The following NEDD4L variants were observed in gnomAD, a reference collection of about 807,000 sequenced individuals.
NEDD4L encodes the protein E3 ubiquitin-protein ligase NEDD4-like.
Under a neutral mutation model 148.9 loss-of-function variants are expected in NEDD4L, and 54 were observed. That is an observed-to-expected ratio of 0.36 (90% CI 0.29 to 0.45). The LOEUF (loss-of-function observed/expected upper bound fraction) is 0.45. Ranked by LOEUF, NEDD4L falls within the 20% of genes least tolerant of loss-of-function variation. The probability of loss-of-function intolerance (pLI) is 1.00; values close to 1 mark genes in which losing one functional copy is unlikely to be tolerated. For missense variants in NEDD4L, 856 were observed against 1,233.8 expected (o/e 0.69, Z 4.59); for synonymous variants, 433 against 440.7 (o/e 0.98, Z 0.22).
intron 1 of NEDD4L, among the ~76,000 whole-genome samples, chr18:58,094,618 C>G (rs2084272563): frequency 6.6e-6 from 1 of 152,196 alleles, no homozygotes; most frequent in African/African-American, 2.4e-5. Context: ...CCATGCTCAG[C>G]CCCGTGGACT....
At chr18:58,335,734 G>T in intron 13 of NEDD4L, 197 bp downstream of exon 13, 2 of 495,340 alleles carry the variant, frequency 4.0e-6, no homozygotes, top group South Asian at 2.9e-5. Context: ...GATTTTTTTA[G>T]TCCCACATAA....
Position 58,161,786 on chromosome 18 carries a change from C to G in NEDD4L, c.49-4002C>G, listed in dbSNP as rs193076575. ...CCTTCTTTATCTCCAGGATCTTCCC[C>G]ATTTCACGGAGAGACATGGATGAGA... is the stretch of plus-strand genomic sequence containing the variant. On this transcript the variant is annotated intron_variant, in intron 1 of 30. Coordinates refer to ENST00000400345, the MANE Select transcript of NEDD4L (RefSeq NM_001144967.3). 2.8e-3 allele frequency among the ~76,000 whole-genome samples: 422 copies of G among 152,178 alleles called. 9 individuals carry two copies. The highest frequency in any genetic ancestry group is 0.024 in the Admixed American group (363 of 15,282).
In NEDD4L at chr18:58,047,706, A is replaced by G. The variant is rs753110951; in HGVS notation, c.48+2998A>G. Among the ~76,000 whole-genome samples, 7 of 152,344 alleles carry G rather than the reference A, an allele frequency of 4.6e-5. No homozygotes were observed. In the East Asian group the frequency reaches 7.7e-4, roughly 17 times the overall value. On this transcript the variant is annotated intron_variant, in intron 1 of 30. Transcript: ENST00000400345. ...TGTTAGAGGGATTAGCAGTTTAACA[A>G]AACTTCTGATTCATGGCCCAAGATC...
intron 5 of NEDD4L, among the ~76,000 whole-genome samples, chr18:58,252,348 G>A (rs2048035052): frequency 6.6e-6 from 1 of 152,192 alleles, no homozygotes; most frequent in South Asian, 2.1e-4. Context: ...TGGGAATACA[G>A]AACGGTAGGC....
chr18:58,347,561 T>G (rs1291934815), intron 16 of NEDD4L, among the ~76,000 whole-genome samples: 2 of 152,214 alleles, frequency 1.3e-5, no homozygotes. Flanking sequence ...TTCTCAATCC[T>G]AAATCAGCTT....
At chr18:58,254,867 A>G (rs2048328052) in intron 5 of NEDD4L, among the ~76,000 whole-genome samples, 1 of 152,204 alleles carries the variant, frequency 6.6e-6, no homozygotes, top group African/African-American at 2.4e-5. Context: ...TGTTACTTGT[A>G]GATCCTGCTC....
chr18:58,329,126 A>C lies in NEDD4L; in HGVS notation c.812A>C (p.Glu271Ala), dbSNP rs1404724194. ...PEPSEGGDVP[E>A]PWETISEEVN... ...CCCTCGGAGGGCGGGGATGTCCCCGAGGTACGATGTCCCCAGAATGGTGCA... is the reference window on the plus strand; with the variant it reads ...CCCTCGGAGGGCGGGGATGTCCCCGCGGTACGATGTCCCCAGAATGGTGCA... The change falls in exon 10 of 31, where the codon GAG becomes GCG. Residue 271 changes from glutamate (E) to alanine (A), a missense_variant and splice_region_variant. Coordinates refer to ENST00000400345, the MANE Select transcript of NEDD4L (RefSeq NM_001144967.3). 3.1e-6 allele frequency: 5 copies of C among 1,613,736 alleles called. No homozygotes were observed. Among genetic ancestry groups the C allele is most frequent in the Non-Finnish European group, 4.2e-6 (5 of 1,179,806 alleles).
At chr18:58,144,377 A>G (rs1025773843) in intron 1 of NEDD4L, among the ~76,000 whole-genome samples, 1 of 152,008 alleles carries the variant, frequency 6.6e-6, no homozygotes, top group Non-Finnish European at 1.5e-5. Context: ...TGGGTCACAC[A>G]CTTTTAAACA....
In NEDD4L at chr18:58,396,349, A is replaced by T; in HGVS notation, c.*80A>T. 1 of 928,614 alleles carries T rather than the reference A, an allele frequency of 1.1e-6. No homozygotes were observed. The highest frequency in any genetic ancestry group is 1.7e-6 in the Non-Finnish European group (1 of 583,852). The allele number at this position is 928,614 out of a possible 1,614,324, so 57.5% of individuals were successfully genotyped here. On this transcript the variant is annotated 3_prime_UTR_variant, in exon 31 of 31. Transcript: ENST00000400345. ...GCATTTGCCTAACAGACTTTTGCAG[A>T]GGCGATGGCAGAGAGCAGCTGCAGG... is the stretch of plus-strand genomic sequence containing the variant.
At chr18:58,394,979 G>A (rs2147094169) in intron 30 of NEDD4L, among the ~76,000 whole-genome samples, 1 of 152,330 alleles carries the variant, frequency 6.6e-6, no homozygotes, top group South Asian at 2.1e-4. Flanking sequence ...GGGCTTTGGA[G>A]CACCCCAGGG....
chr18:58,325,076 G>T lies in NEDD4L; in HGVS notation c.594G>T (p.Gly198=), dbSNP rs778209121. 6.2e-7 allele frequency: 1 copy of T among 1,614,024 alleles called. No homozygotes were observed. Among genetic ancestry groups the T allele is most frequent in the Non-Finnish European group, 8.5e-7 (1 of 1,179,894 alleles). ...TTCCTCCTCCTCCTCTGCCTCCCGG[G>T]TGGGAAGAAAAAGTGGACAATTTAG... ...EELPPPPLPP[G]WEEKVDNLGR... is the part of the protein sequence containing the mutation. Residue 198 remains glycine (G), a synonymous_variant, in exon 9 of 31, where the codon GGG becomes GGT. Coordinates refer to ENST00000400345, the MANE Select transcript of NEDD4L (RefSeq NM_001144967.3).
chr18:58,118,899 G>A (rs11663320), intron 1 of NEDD4L, among the ~76,000 whole-genome samples: 1 of 151,782 alleles, frequency 6.6e-6, no homozygotes, highest in Non-Finnish European at 1.5e-5. Flanking sequence ...CCCCCCAAGC[G>A]GAACTGGGTT....
intron 2 of NEDD4L, among the ~76,000 whole-genome samples, chr18:58,184,000 T>C (rs929147406): frequency 1.9e-4 from 29 of 152,132 alleles, no homozygotes; most frequent in Admixed American, 1.2e-3. Flanking sequence ...AAACCCCGTC[T>C]CTACTAAAAA....
At chr18:58,155,821 C>G (rs985244862) in intron 1 of NEDD4L, among the ~76,000 whole-genome samples, 11 of 152,154 alleles carry the variant, frequency 7.2e-5, no homozygotes, top group Non-Finnish European at 1.3e-4. Context: ...TGAACTGCGG[C>G]GTTGCTTTGG....
At chr18:58,373,718 G>T (rs1167589764) in intron 24 of NEDD4L, among the ~76,000 whole-genome samples, 1 of 152,202 alleles carries the variant, frequency 6.6e-6, no homozygotes, top group Admixed American at 6.5e-5. Flanking sequence ...AGCATGGCAG[G>T]CTCCGGTTTT....
At chr18:58,127,524 C>A (rs568974586) in intron 1 of NEDD4L, among the ~76,000 whole-genome samples, 1 of 150,904 alleles carries the variant, frequency 6.6e-6, no homozygotes, top group African/African-American at 2.4e-5. Flanking sequence ...GGCAACATGG[C>A]GAAACCTCAC....
intron 2 of NEDD4L, among the ~76,000 whole-genome samples, chr18:58,226,433 A>G (rs1249695016): frequency 6.6e-6 from 1 of 152,228 alleles, no homozygotes; most frequent in Non-Finnish European, 1.5e-5. Context: ...GTCAAAATTG[A>G]TTATAGTAAT....
In NEDD4L at chr18:58,174,208, C is replaced by T. The variant is rs148544873; in HGVS notation, c.122+8347C>T. On this transcript the variant is annotated intron_variant, in intron 2 of 30. Coordinates refer to ENST00000400345, the MANE Select transcript of NEDD4L (RefSeq NM_001144967.3). ...GCTGCAGTCAGGTGCTTCTCTCCTT[C>T]CCGTGTGGCTGGGCCCAGGGCTTTT... Among the ~76,000 whole-genome samples, 945 of 151,994 alleles carry T rather than the reference C, an allele frequency of 6.2e-3. 15 individuals carry two copies. The highest frequency in any genetic ancestry group is 0.022 in the African/African-American group (893 of 41,436).
intron 2 of NEDD4L, among the ~76,000 whole-genome samples, chr18:58,240,782 C>T (rs1017432518): frequency 6.6e-6 from 1 of 151,912 alleles, no homozygotes; most frequent in Non-Finnish European, 1.5e-5. Flanking sequence ...TAGACAACTC[C>T]ACGATGAGGA....
Sources: allele counts gnomAD v4.1 joint callset (sites outside exome capture counted in the v4.1 genomes callset), GRCh38; gene constraint gnomAD v4.1.1; transcripts MANE v1.5; gene names NCBI Gene and HGNC (gene_info 2026-07-23, HGNC 2026-07-21).